The following CLRN1 variants were observed in gnomAD, a reference collection of about 807,000 sequenced individuals.
CLRN1 encodes the protein clarin 1.
In CLRN1, 15 loss-of-function variants were observed where a neutral mutation model predicts 18.7. The ratio of observed to expected loss-of-function variants is 0.80; its 90% CI spans 0.54 to 1.23. CLRN1 has a LOEUF of 1.23. CLRN1 is among the 50% of genes most tolerant of loss of function. The pLI is 0.00. For missense variants in CLRN1, 311 were observed against 277.5 expected, an observed-to-expected ratio of 1.12 and a Z score of -0.86; for synonymous variants, 104 against 102.9, an observed-to-expected ratio of 1.01 and a Z score of -0.07.
chr3:150,932,013 G>T (rs1713179497), intron 2 of CLRN1, among the ~76,000 whole-genome samples: 1 of 151,888 alleles, frequency 6.6e-6, no homozygotes, highest in South Asian at 2.1e-4. Flanking sequence ...CCTTTCATCT[G>T]TCTGATTTCC....
chr3:150,960,770 A>G (rs1015868364), intron 1 of CLRN1, among the ~76,000 whole-genome samples: 2 of 152,224 alleles, frequency 1.3e-5, no homozygotes, highest in Non-Finnish European at 2.9e-5. Context: ...GATGGAGGTC[A>G]AAAGTTAACT....
intron 1 of CLRN1, among the ~76,000 whole-genome samples, chr3:150,959,477 A>T (rs1201962227): frequency 6.6e-6 from 1 of 152,020 alleles, no homozygotes; most frequent in Non-Finnish European, 1.5e-5. Context: ...AAAAATACAA[A>T]AATTAGCCAG....
At chr3:150,957,248 C>A (rs1714785373) in intron 1 of CLRN1, among the ~76,000 whole-genome samples, 1 of 149,194 alleles carries the variant, frequency 6.7e-6, no homozygotes, top group South Asian at 2.1e-4. Context: ...TACACACACA[C>A]ACACACACAC....
intron 1 of CLRN1, among the ~76,000 whole-genome samples, chr3:150,957,831 G>GT (rs970284302): frequency 6.6e-6 from 1 of 152,074 alleles, no homozygotes; most frequent in Non-Finnish European, 1.5e-5. Flanking sequence ...TAATTTTTGT[G>GT]TTTTTTTAGT....
intron 1 of CLRN1, among the ~76,000 whole-genome samples, chr3:150,964,162 C>T (rs142048475): frequency 1.1e-3 from 169 of 152,028 alleles, no homozygotes; most frequent in Non-Finnish European, 2.0e-3. Context: ...TGCAATCTAC[C>T]CATCTGACAA....
At chr3:150,939,469 T>C (rs529156135) in intron 2 of CLRN1, among the ~76,000 whole-genome samples, 1 of 152,266 alleles carries the variant, frequency 6.6e-6, no homozygotes, top group Non-Finnish European at 1.5e-5. Context: ...GGAGTCTCTT[T>C]TTGTTTGTCA....
intron 2 of CLRN1, 47 bp from the exon 3 acceptor site, chr3:150,928,248 A>G (rs748109560): frequency 6.8e-6 from 11 of 1,610,084 alleles, no homozygotes; most frequent in Non-Finnish European, 9.3e-6. Context: ...TCCTGATTGT[A>G]AGGGACAGGG....
At position 150,941,598 on chromosome 3, in the gene CLRN1, A is replaced by G; in HGVS notation, c.417T>C (p.Leu139=). 1.2e-6 allele frequency: 2 copies of G among 1,614,072 alleles called. No individual in the cohort carries two copies. The highest frequency in any genetic ancestry group is 2.2e-5 in the South Asian group (2 of 91,076). ...ETLHGPLGLY[L]LSFISGSCGC... ...TGTACTTACCTGAAATGAAGCTCAA[A>G]AGGTACAGCCCTAGGGGACCATGCA... is the stretch of plus-strand genomic sequence containing the variant. Residue 139 remains leucine (L), a synonymous_variant, in exon 2 of 3, where the codon CTT becomes CTC. Transcript: ENST00000327047.
chr3:150,939,890 T>C (rs952776287), intron 2 of CLRN1, among the ~76,000 whole-genome samples: 1 of 152,210 alleles, frequency 6.6e-6, no homozygotes, highest in African/African-American at 2.4e-5. Flanking sequence ...CCTGTGCTCT[T>C]GGCTCTTCAG....
At chr3:150,931,750 A>G (rs1158489004) in intron 2 of CLRN1, among the ~76,000 whole-genome samples, 1 of 152,192 alleles carries the variant, frequency 6.6e-6, no homozygotes, top group Non-Finnish European at 1.5e-5. Flanking sequence ...GATCAGTCCT[A>G]CATGTCTCTC....
At position 150,941,460 on chromosome 3, in the gene CLRN1, G is replaced by A. The variant is rs557911437; in HGVS notation, c.433+122C>T. On this transcript the variant is annotated intron_variant, in intron 2 of 2. Transcript: ENST00000327047. ...GTATTTCCACACTTTTTGTTATTAT[G>A]TATAATACTACAGTGTGCATCCATG... 4 of 999,232 alleles carry A rather than the reference G, an allele frequency of 4.0e-6. No homozygotes were observed. In the Admixed American group the frequency reaches 6.2e-5, roughly 16 times the overall value. The allele number at this position is 999,232 out of a possible 1,614,324, so 61.9% of individuals were successfully genotyped here.
chr3:150,970,811 G>A (rs933636418), intron 1 of CLRN1, among the ~76,000 whole-genome samples: 1 of 152,150 alleles, frequency 6.6e-6, no homozygotes, highest in Admixed American at 6.6e-5. Context: ...CACCCAATTA[G>A]AACAACTTCA....
chr3:150,971,374 G>A (rs1171198749), intron 1 of CLRN1, among the ~76,000 whole-genome samples: 4 of 152,180 alleles, frequency 2.6e-5, no homozygotes, highest in Admixed American at 2.0e-4. Context: ...ACCTATGTGA[G>A]CTGAAGGTTG....
intron 1 of CLRN1, among the ~76,000 whole-genome samples, chr3:150,971,115 A>G (rs1016476789): frequency 1.1e-4 from 16 of 152,300 alleles, no homozygotes; most frequent in Admixed American, 8.5e-4. Context: ...CCGGTGACTC[A>G]CGGTTAAATC....
At position 150,927,844 on chromosome 3, in the gene CLRN1, T is replaced by G; in HGVS notation, c.*92A>C. 1 of 1,425,888 alleles carries G rather than the reference T, an allele frequency of 7.0e-7. No homozygotes were observed. Among genetic ancestry groups the G allele is most frequent in the South Asian group, 1.2e-5 (1 of 86,464 alleles). 88.3% of individuals were successfully genotyped at this position (1,425,888 alleles called of 1,614,324 possible). A position where few individuals can be genotyped will look rare whatever the true frequency, so the allele number is the denominator to read the frequency against. On this transcript the variant is annotated 3_prime_UTR_variant, in exon 3 of 3. Transcript: ENST00000327047. ...CACGAAGGGTCCTGATGCTTTAATA[T>G]ATGCAGACTAAAAGGATATGCAAAA...
intron 1 of CLRN1, among the ~76,000 whole-genome samples, chr3:150,956,709 C>T (rs1166951819): frequency 6.6e-6 from 1 of 152,126 alleles, no homozygotes; most frequent in African/African-American, 2.4e-5. Flanking sequence ...ATATTTTGGG[C>T]TGTGAGCCTT....
At chr3:150,940,526 G>C in intron 2 of CLRN1, 4 of 1,534,386 alleles carry the variant, frequency 2.6e-6, no homozygotes, top group Non-Finnish European at 3.5e-6. Context: ...GCAACTTCAG[G>C]AGAAAAAGAA....
chr3:150,951,585 G>T lies in CLRN1; in HGVS notation c.254-9824C>A, dbSNP rs1714486700. On this transcript the variant is annotated intron_variant, in intron 1 of 2. Transcript: ENST00000327047. ...ACTCCTGACCTCAAATCATCTTCCTGCCTGAGCCTCCCAAAGTGCTGAGAT... is the reference window on the plus strand; with the variant it reads ...ACTCCTGACCTCAAATCATCTTCCTTCCTGAGCCTCCCAAAGTGCTGAGAT... 2.0e-5 allele frequency among the ~76,000 whole-genome samples: 3 copies of T among 152,126 alleles called. No homozygotes were observed. In the South Asian group the frequency reaches 6.2e-4, roughly 32 times the overall value.
At chr3:150,958,063 A>G (rs1714842485) in intron 1 of CLRN1, among the ~76,000 whole-genome samples, 1 of 151,888 alleles carries the variant, frequency 6.6e-6, no homozygotes, top group South Asian at 2.1e-4. Context: ...CTCTGCCTCT[A>G]CCTCAGGCCT....
Sources: gnomAD v4.1 joint callset for allele counts (sites outside exome capture counted in the v4.1 genomes callset) on GRCh38, gnomAD v4.1.1 for gene constraint, MANE v1.5 for transcripts, NCBI Gene and HGNC (gene_info 2026-07-23, HGNC 2026-07-21) for gene names.